Variants in MTMR7 observed in about 807,000 individuals in gnomAD.
MTMR7 encodes the protein phosphatidylinositol-3-phosphate phosphatase MTMR7.
A neutral mutation model predicts 81.2 loss-of-function variants in MTMR7; 76 were observed. The ratio of observed to expected loss-of-function variants is 0.94; its 90% CI spans 0.78 to 1.13. The LOEUF (loss-of-function observed/expected upper bound fraction) is 1.13, where lower values mean the gene tolerates loss of function less well. MTMR7 is among the 50% of genes most tolerant of loss of function. The pLI, the probability that MTMR7 is intolerant of heterozygous loss-of-function variation, is 0.00. For synonymous variants in MTMR7, 372 were observed against 289.8 expected, an observed-to-expected ratio of 1.28 and a Z score of -2.88; for missense variants, 1,044 against 820.0, an observed-to-expected ratio of 1.27 and a Z score of -3.34.
intron 1 of MTMR7, among the ~76,000 whole-genome samples, chr8:17,390,137 C>A (rs574065702): frequency 6.6e-6 from 1 of 151,512 alleles, no homozygotes; most frequent in African/African-American, 2.4e-5. Context: ...AAAGAAATAA[C>A]TGACACTGGG....
chr8:17,299,842 T>G lies in MTMR7; in HGVS notation c.*20A>C. ...AGTGTTGCTTATGTGTCCTTTACTT[T>G]GGAACTCCAAAGGGAAACTTCAGGC... On this transcript the variant is annotated 3_prime_UTR_variant, in exon 14 of 14. Transcript: ENST00000180173. The G allele has an allele frequency of 6.2e-7, 1 of 1,612,622 alleles. No individual in the cohort carries two copies. Among genetic ancestry groups the G allele is most frequent in the Non-Finnish European group, 8.5e-7 (1 of 1,178,988 alleles).
chr8:17,393,025 T>C (rs937667000), intron 1 of MTMR7, among the ~76,000 whole-genome samples: 1 of 152,190 alleles, frequency 6.6e-6, no homozygotes, highest in Non-Finnish European at 1.5e-5. Context: ...GCTTTCAAGA[T>C]CATATACCTA....
chr8:17,370,973 T>C (rs1032167650), intron 3 of MTMR7, 64 bp downstream of exon 3: 7 of 1,534,040 alleles, frequency 4.6e-6, no homozygotes, highest in Admixed American at 1.8e-5. Flanking sequence ...ATACAAATTC[T>C]TGAATCTGAT....
Position 17,387,174 on chromosome 8 carries a change from T to C in MTMR7, c.25-13934A>G, listed in dbSNP as rs560067368. Among the ~76,000 whole-genome samples the C allele has an allele frequency of 1.9e-3, 293 of 152,362 alleles. 1 individual carries two copies. The Middle Eastern group carries it at 0.027, about 14-fold the overall frequency. Reference sequence around the variant, plus strand: ...ATTCTGATGTACCAGCATCTATGCATGTGAAGATATCCCAGGTATTCCGAT... The same window carrying C: ...ATTCTGATGTACCAGCATCTATGCACGTGAAGATATCCCAGGTATTCCGAT... On this transcript the variant is annotated intron_variant, in intron 1 of 13. Transcript: ENST00000180173.
At chr8:17,394,193 A>G (rs1821183793) in intron 1 of MTMR7, among the ~76,000 whole-genome samples, 1 of 152,252 alleles carries the variant, frequency 6.6e-6, no homozygotes, top group East Asian at 1.9e-4. Context: ...ACTCCTGAGT[A>G]TATACCCAAG....
intron 12 of MTMR7, among the ~76,000 whole-genome samples, chr8:17,302,667 C>T (rs114929731): frequency 0.013 from 1,890 of 141,416 alleles, 46 homozygotes; most frequent in African/African-American, 0.048. Context: ...TCTTTTGTAT[C>T]ACGACCACTA....
At chr8:17,401,807 G>C (rs993944536) in intron 1 of MTMR7, among the ~76,000 whole-genome samples, 16 of 152,278 alleles carry the variant, frequency 1.1e-4, no homozygotes, top group African/African-American at 3.8e-4. Flanking sequence ...TGTGAGACGA[G>C]AGGGAATCAG....
At chr8:17,324,366 T>C (rs1818561519) in intron 7 of MTMR7, among the ~76,000 whole-genome samples, 1 of 152,206 alleles carries the variant, frequency 6.6e-6, no homozygotes, top group Non-Finnish European at 1.5e-5. Context: ...ACAGGGTAGA[T>C]GCACTCTCCA....
intron 1 of MTMR7, among the ~76,000 whole-genome samples, chr8:17,387,229 C>A (rs1213754034): frequency 1.3e-5 from 2 of 152,172 alleles, no homozygotes; most frequent in Non-Finnish European, 2.9e-5. Flanking sequence ...TTCTGATGTA[C>A]CAGCATCTGT....
intron 2 of MTMR7, among the ~76,000 whole-genome samples, chr8:17,371,653 T>C (rs1035442724): frequency 5.9e-5 from 9 of 152,156 alleles, no homozygotes; most frequent in Non-Finnish European, 1.0e-4. Flanking sequence ...CAACATGGGA[T>C]TGTTGTTTTC....
chr8:17,370,535 G>A (rs1049737609), intron 3 of MTMR7, among the ~76,000 whole-genome samples: 2 of 121,606 alleles, frequency 1.6e-5, no homozygotes, highest in Non-Finnish European at 3.2e-5. Flanking sequence ...CAGCCTGGGC[G>A]ACGGAGAAAA....
chr8:17,382,847 T>C (rs1052455423), intron 1 of MTMR7, among the ~76,000 whole-genome samples: 9 of 152,164 alleles, frequency 5.9e-5, no homozygotes, highest in Non-Finnish European at 1.2e-4. Context: ...AAAATGAACA[T>C]TAATATTGCA....
At chr8:17,404,982 T>C (rs1390714187) in intron 1 of MTMR7, among the ~76,000 whole-genome samples, 1 of 152,166 alleles carries the variant, frequency 6.6e-6, no homozygotes, top group African/African-American at 2.4e-5. Flanking sequence ...CTGGCCGCTA[T>C]GACTGGCTAA....
intron 4 of MTMR7, among the ~76,000 whole-genome samples, chr8:17,353,643 CAGAG>C (rs1182607820): frequency 2.0e-5 from 3 of 152,128 alleles, no homozygotes; most frequent in Non-Finnish European, 4.4e-5. Context: ...TGACAAAATT[CAGAG>C]AGAATATGAG....
At chr8:17,319,647 T>C (rs1187724786) in intron 7 of MTMR7, among the ~76,000 whole-genome samples, 1 of 152,126 alleles carries the variant, frequency 6.6e-6, no homozygotes, top group Non-Finnish European at 1.5e-5. Context: ...CCTCAAACAA[T>C]CATTCTGAGG....
intron 5 of MTMR7, among the ~76,000 whole-genome samples, chr8:17,341,957 A>T (rs1473347268): frequency 1.3e-5 from 2 of 152,022 alleles, no homozygotes; most frequent in Admixed American, 1.3e-4. Context: ...GAAACATCAC[A>T]AATACCAAAA....
At chr8:17,404,107 C>A (rs1371427730) in intron 1 of MTMR7, among the ~76,000 whole-genome samples, 1 of 152,110 alleles carries the variant, frequency 6.6e-6, no homozygotes, top group Non-Finnish European at 1.5e-5. Flanking sequence ...TTATATTTAA[C>A]AGTATCTCTG....
chr8:17,398,465 T>G lies in MTMR7; in HGVS notation c.24+14804A>C, dbSNP rs550790478. Among the ~76,000 whole-genome samples, 55 of 152,138 alleles carry G rather than the reference T, an allele frequency of 3.6e-4. No homozygotes were observed. The South Asian group carries it at 0.01, about 29-fold the overall frequency. On this transcript the variant is annotated intron_variant, in intron 1 of 13. Transcript: ENST00000180173. ...AATTGACCAAGTAGAAGAAAAAAAT[T>G]AGTGAGCTTGAAGACAAGCTATTTG...
At chr8:17,408,589 T>G (rs1821659486) in intron 1 of MTMR7, among the ~76,000 whole-genome samples, 1 of 152,088 alleles carries the variant, frequency 6.6e-6, no homozygotes, top group Non-Finnish European at 1.5e-5. Flanking sequence ...GGCAAGTGGC[T>G]TAAGAAGTCA....
Sources: allele counts gnomAD v4.1 joint callset (sites outside exome capture counted in the v4.1 genomes callset), GRCh38; gene constraint gnomAD v4.1.1; transcripts MANE v1.5; gene names NCBI Gene and HGNC (gene_info 2026-07-23, HGNC 2026-07-21).